The following EHBP1 variants were observed in gnomAD, a reference collection of about 807,000 sequenced individuals.
EHBP1 encodes the protein EH domain-binding protein 1.
Under a neutral mutation model 144.0 loss-of-function variants are expected in EHBP1, and 55 were observed. The ratio of observed to expected loss-of-function variants is 0.38; its 90% CI spans 0.31 to 0.48. The LOEUF (loss-of-function observed/expected upper bound fraction) is 0.48, where lower values mean the gene tolerates loss of function less well. Ranked by LOEUF, EHBP1 falls within the 20% of genes least tolerant of loss-of-function variation. The pLI, the probability that EHBP1 is intolerant of heterozygous loss-of-function variation, is 0.98. For synonymous variants in EHBP1, 469 were observed against 472.7 expected (o/e 0.99, Z 0.10); for missense variants, 1,200 against 1,364.2 (o/e 0.88, Z 1.90).
At chr2:63,001,533 A>G (rs1176889964) in intron 19 of EHBP1, among the ~76,000 whole-genome samples, 1 of 152,204 alleles carries the variant, frequency 6.6e-6, no homozygotes, top group Non-Finnish European at 1.5e-5. Context: ...ATAAAAATCA[A>G]GATGACAGTA....
chr2:62,727,875 C>T (rs1189620205), intron 2 of EHBP1, among the ~76,000 whole-genome samples: 1 of 152,104 alleles, frequency 6.6e-6, no homozygotes, highest in Non-Finnish European at 1.5e-5. Context: ...TGCACTTGAG[C>T]GCAAGGGAGA....
intron 5 of EHBP1, among the ~76,000 whole-genome samples, chr2:62,808,480 T>G (rs186329152): frequency 3.6e-4 from 55 of 152,308 alleles, no homozygotes; most frequent in Non-Finnish European, 7.6e-4. Context: ...CTAGCTTTTC[T>G]TATTGGTTCT....
At chr2:62,777,115 C>T (rs868598800) in intron 5 of EHBP1, among the ~76,000 whole-genome samples, 2 of 152,164 alleles carry the variant, frequency 1.3e-5, no homozygotes, top group Non-Finnish European at 2.9e-5. Flanking sequence ...GCTGAGACTA[C>T]AGGTGCACAC....
intron 10 of EHBP1, among the ~76,000 whole-genome samples, chr2:62,903,703 C>T (rs919880830): frequency 3.3e-5 from 5 of 152,074 alleles, no homozygotes; most frequent in Admixed American, 2.6e-4. Flanking sequence ...GAGGTCAGGG[C>T]TGCAGTGAAC....
chr2:62,736,495 A>T (rs1573037768), intron 2 of EHBP1, among the ~76,000 whole-genome samples: 1 of 152,168 alleles, frequency 6.6e-6, no homozygotes, highest in East Asian at 1.9e-4. Context: ...AAGCGCTGGG[A>T]TTATAGGCAT....
At chr2:63,021,324 G>A (rs2060739754) in intron 19 of EHBP1, among the ~76,000 whole-genome samples, 1 of 151,902 alleles carries the variant, frequency 6.6e-6, no homozygotes, top group South Asian at 2.1e-4. Context: ...TGTTGTTATT[G>A]TGTTGTTTTT....
intron 10 of EHBP1, among the ~76,000 whole-genome samples, chr2:62,940,658 A>AT (rs1224013350): frequency 4.6e-5 from 7 of 152,280 alleles, no homozygotes; most frequent in South Asian, 2.1e-4. Flanking sequence ...AGATGATTTC[A>AT]TTTAACAACG....
rs922645706 is a variant in EHBP1, at chr2:62,938,243, T to C, written c.1186-4475T>C. Among the ~76,000 whole-genome samples, 6 of 152,232 alleles carry C rather than the reference T, an allele frequency of 3.9e-5. No individual in the cohort carries two copies. In the East Asian group the frequency reaches 1.2e-3, roughly 29 times the overall value. ...GCCAACTGGAAATGTCAACTTGAGA[T>C]AGTTTGAACTATAAATATTTGGGAA... On this transcript the variant is annotated intron_variant, in intron 10 of 22. Transcript: ENST00000431489.
At chr2:62,895,966 A>G (rs1311058674) in intron 10 of EHBP1, among the ~76,000 whole-genome samples, 1 of 152,194 alleles carries the variant, frequency 6.6e-6, no homozygotes, top group Non-Finnish European at 1.5e-5. Flanking sequence ...AGTAAATTTA[A>G]TGTTAGGTGT....
intron 10 of EHBP1, among the ~76,000 whole-genome samples, chr2:62,897,706 T>G (rs2053054678): frequency 6.6e-6 from 1 of 152,202 alleles, no homozygotes; most frequent in South Asian, 2.1e-4. Context: ...GCTGCAAAAT[T>G]GAAATGTATT....
At chr2:63,029,696 G>A (rs1240018376) in intron 19 of EHBP1, among the ~76,000 whole-genome samples, 3 of 151,988 alleles carry the variant, frequency 2.0e-5, no homozygotes, top group African/African-American at 7.2e-5. Context: ...TGAGATCAAG[G>A]GGCTCAATTT....
At chr2:62,971,892 A>G (rs888395215) in intron 14 of EHBP1, among the ~76,000 whole-genome samples, 2 of 152,232 alleles carry the variant, frequency 1.3e-5, no homozygotes, top group Non-Finnish European at 2.9e-5. Flanking sequence ...ACTATCCTTT[A>G]TAACTCAGTC....
intron 10 of EHBP1, among the ~76,000 whole-genome samples, chr2:62,893,835 G>C (rs2052653863): frequency 6.6e-6 from 1 of 152,102 alleles, no homozygotes; most frequent in Non-Finnish European, 1.5e-5. Context: ...CTTGAGCTCA[G>C]GAGTTCGAGA....
chr2:62,826,253 G>A lies in EHBP1; in HGVS notation c.479G>A (p.Arg160Lys). 2 of 1,599,742 alleles carry A rather than the reference G, an allele frequency of 1.3e-6. No homozygotes were observed. The highest frequency in any genetic ancestry group is 1.7e-6 in the Non-Finnish European group (2 of 1,175,372). The change falls in exon 6 of 23, where the codon AGG becomes AAG. Residue 160 changes from arginine (R) to lysine (K), a missense_variant. Arg to Lys is a conservative substitution (Grantham distance 26, BLOSUM62 2). Coordinates refer to ENST00000431489, the MANE Select transcript of EHBP1 (RefSeq NM_001142616.3). ...TTTTCATTATCTTGCATTTTTCTGA[G>A]GGAAGGAAAAGCCACGTAAGTTTCT... Reference protein sequence around the residue: ...LQFSLSCIFLREGKATDEDMQ... With the variant: ...LQFSLSCIFLKEGKATDEDMQ...
chr2:62,818,488 C>T (rs1423023186), intron 5 of EHBP1, among the ~76,000 whole-genome samples: 2 of 152,028 alleles, frequency 1.3e-5, no homozygotes, highest in African/African-American at 2.4e-5. Context: ...GTGTAGTAGG[C>T]TGTACCACCT....
chr2:62,869,103 A>G (rs370028829), intron 9 of EHBP1, among the ~76,000 whole-genome samples: 2 of 152,334 alleles, frequency 1.3e-5, no homozygotes, highest in East Asian at 3.9e-4. Context: ...ATAAGATATC[A>G]CTACACACCT....
At position 62,707,083 on chromosome 2, in the gene EHBP1, T is replaced by A; in HGVS notation, c.-109T>A. On this transcript the variant is annotated 5_prime_UTR_variant, in exon 2 of 23. Transcript: ENST00000431489. ...CCCAAGCATCATTTCGAGTTGTAGT[T>A]GAGTTTTTAAAAGACATACATGCAA... is the stretch of plus-strand genomic sequence containing the variant. The A allele has an allele frequency of 1.3e-6, 1 of 782,162 alleles. No individual in the cohort carries two copies. 48.5% of individuals were successfully genotyped at this position (782,162 alleles called of 1,614,324 possible).
intron 10 of EHBP1, among the ~76,000 whole-genome samples, chr2:62,912,865 A>G (rs1343418900): frequency 6.6e-6 from 1 of 152,182 alleles, no homozygotes; most frequent in Non-Finnish European, 1.5e-5. Context: ...AAGTAGAAGA[A>G]TAGGGTATGC....
intron 7 of EHBP1, 128 bp downstream of exon 7, chr2:62,831,286 A>G: frequency 1.2e-6 from 1 of 849,950 alleles, no homozygotes; most frequent in Non-Finnish European, 1.8e-6. Context: ...CCTTTCTACA[A>G]TAAAATATAC....
Sources: allele counts gnomAD v4.1 joint callset (sites outside exome capture counted in the v4.1 genomes callset), GRCh38; gene constraint gnomAD v4.1.1; transcripts MANE v1.5; gene names NCBI Gene and HGNC (gene_info 2026-07-23, HGNC 2026-07-21).